Variants in DUSP11 observed in about 807,000 individuals in gnomAD.
The protein encoded by DUSP11 is RNA/RNP complex-1-interacting phosphatase.
Under a neutral mutation model 41.4 loss-of-function variants are expected in DUSP11, and 27 were observed. The ratio of observed to expected loss-of-function variants is 0.65; its 90% CI spans 0.48 to 0.90. DUSP11 has a LOEUF of 0.90. Ranked by LOEUF, DUSP11 falls within the 40% of genes least tolerant of loss-of-function variation. DUSP11 has a pLI of 0.00. For missense variants in DUSP11, 465 were observed against 461.1 expected, an observed-to-expected ratio of 1.01 and a Z score of -0.08; for synonymous variants, 188 against 159.3, an observed-to-expected ratio of 1.18 and a Z score of -1.35.
chr2:73,773,843 G>A, exon 4 of DUSP11: 5 of 1,606,994 alleles, frequency 3.1e-6, no homozygotes, highest in Non-Finnish European at 4.3e-6. Flanking sequence ...CAGCGTGTTT[G>A]AATTTAAAAA....
chr2:73,771,761 T>TA lies in DUSP11; in HGVS notation c.574+2038dup, dbSNP rs769822025. ...TCATGATCTGCCCACCTCGGCCTCC[T>TA]AAAGTGCCGGGATTACAGGCATGAG... On this transcript the variant is annotated intron_variant, in intron 4 of 8. Coordinates refer to ENST00000272444, the Ensembl canonical transcript of DUSP11. 3.6e-5 allele frequency among the ~76,000 whole-genome samples: 5 copies of TA among 140,638 alleles called. No homozygotes were observed. In the Middle Eastern group the frequency reaches 0.022, roughly 628 times the overall value. The allele number at this position is 140,638 out of a possible 152,430, so 92.3% of individuals were successfully genotyped here.
intron 7 of DUSP11, 70 bp from the exon 8 acceptor site, chr2:73,766,664 T>C (rs2103929101): frequency 6.7e-7 from 1 of 1,491,210 alleles, no homozygotes; most frequent in East Asian, 2.3e-5. Flanking sequence ...TGACTATATT[T>C]TGGCATATGA....
exon 1 of DUSP11, chr2:73,779,949 C>T: frequency 6.2e-7 from 1 of 1,614,268 alleles, no homozygotes; most frequent in Non-Finnish European, 8.5e-7. Flanking sequence ...GCCCCAGCCA[C>T]TGCGGGGATG....
intron 8 of DUSP11, 127 bp downstream of exon 8, chr2:73,766,291 A>T: frequency 1.2e-6 from 1 of 865,592 alleles, no homozygotes; most frequent in Non-Finnish European, 1.7e-6. Context: ...CCTGGATGAC[A>T]GAGCGAGACT....
At chr2:73,769,137 G>T in intron 5 of DUSP11, 128 bp downstream of exon 5, 1 of 684,112 alleles carries the variant, frequency 1.5e-6, no homozygotes, top group Non-Finnish European at 2.5e-6. Flanking sequence ...GTAATCTCTG[G>T]GTGGGGAGCA....
At chr2:73,769,423 T>C in intron 4 of DUSP11, 98 bp from the exon 5 acceptor site, 1 of 925,614 alleles carries the variant, frequency 1.1e-6, no homozygotes, top group South Asian at 1.6e-5. Flanking sequence ...AGAGGAATTG[T>C]TTTTTCTAGG....
chr2:73,776,793 T>C (rs1029535469), intron 2 of DUSP11, among the ~76,000 whole-genome samples: 3 of 152,244 alleles, frequency 2.0e-5, no homozygotes, highest in Admixed American at 6.5e-5. Flanking sequence ...ATCTATTCTC[T>C]GAGCTTAGTG....
chr2:73,777,894 T>C (rs547220303), intron 2 of DUSP11, among the ~76,000 whole-genome samples: 79 of 152,324 alleles, frequency 5.2e-4, no homozygotes, highest in African/African-American at 1.8e-3. Context: ...ATGAAGATTA[T>C]ACTTTGTTAT....
At chr2:73,771,130 T>C (rs1186130702) in intron 4 of DUSP11, among the ~76,000 whole-genome samples, 2 of 152,228 alleles carry the variant, frequency 1.3e-5, no homozygotes, top group Non-Finnish European at 2.9e-5. Flanking sequence ...ATATATTCCA[T>C]GTATTTATTT....
Position 73,772,502 on chromosome 2 carries a change from A to T in DUSP11, c.574+1298T>A, listed in dbSNP as rs528238311. Among the ~76,000 whole-genome samples the T allele has an allele frequency of 4.3e-4, 66 of 152,346 alleles. No homozygotes were observed. The South Asian group carries it at 0.013, about 31-fold the overall frequency. On this transcript the variant is annotated intron_variant, in intron 4 of 8. Coordinates refer to ENST00000272444, the Ensembl canonical transcript of DUSP11. ...TATCCAACTGACTACAATCAGTATA[A>T]CGTGAACAACTAAGATTTAAAAATG...
intron 4 of DUSP11, among the ~76,000 whole-genome samples, chr2:73,770,206 G>GA (rs888703038): frequency 3.4e-5 from 5 of 149,146 alleles, no homozygotes; most frequent in African/African-American, 9.8e-5. Flanking sequence ...AAAAAAGAAA[G>GA]AAAGAAAAGA....
At chr2:73,774,952 A>G in exon 3 of DUSP11, 1 of 1,611,260 alleles carries the variant, frequency 6.2e-7, no homozygotes, top group South Asian at 1.1e-5. Context: ...TTAAATCAAT[A>G]ATCAGTCCAA....
intron 3 of DUSP11, 57 bp from the exon 4 acceptor site, chr2:73,773,980 A>G: frequency 1.4e-6 from 2 of 1,395,746 alleles, no homozygotes; most frequent in Non-Finnish European, 1.9e-6. Context: ...AAATAATTAA[A>G]GAGTAATTAG....
chr2:73,774,666 G>A (rs1371549320), intron 3 of DUSP11, among the ~76,000 whole-genome samples: 1 of 152,110 alleles, frequency 6.6e-6, no homozygotes, highest in African/African-American at 2.4e-5. Context: ...ATTTCACTAA[G>A]CATGTTTTTA....
At chr2:73,774,342 G>A (rs1054172441) in intron 3 of DUSP11, among the ~76,000 whole-genome samples, 1 of 152,156 alleles carries the variant, frequency 6.6e-6, no homozygotes, top group Non-Finnish European at 1.5e-5. Flanking sequence ...AGGCACTATT[G>A]AGAACCGATA....
At chr2:73,769,346 G>C in intron 4 of DUSP11, 21 bp from the exon 5 acceptor site, 1 of 1,554,340 alleles carries the variant, frequency 6.4e-7, no homozygotes, top group South Asian at 1.1e-5. Context: ...AAAATACAGG[G>C]TTAAGTAACT....
intron 1 of DUSP11, 113 bp downstream of exon 1, chr2:73,779,761 G>A: frequency 1.3e-6 from 2 of 1,508,114 alleles, no homozygotes; most frequent in South Asian, 1.3e-5. Context: ...AGCAAGCGGC[G>A]GACAAGTCAA....
chr2:73,769,991 T>C (rs1245910726), intron 4 of DUSP11, among the ~76,000 whole-genome samples: 3 of 152,116 alleles, frequency 2.0e-5, no homozygotes, highest in Non-Finnish European at 2.9e-5. Context: ...TAAAAAAAAG[T>C]GTAGTTTATC....
At chr2:73,768,955 CAAT>C in intron 5 of DUSP11, 1 of 166,830 alleles carries the variant, frequency 6.0e-6, no homozygotes, top group Non-Finnish European at 1.1e-5. Context: ...GACTCCGTCT[CAAT>C]AAAAAAAAAA....
Sources: allele counts gnomAD v4.1 joint callset (sites outside exome capture counted in the v4.1 genomes callset), GRCh38; gene constraint gnomAD v4.1.1; transcripts MANE v1.5; gene names NCBI Gene and HGNC (gene_info 2026-07-23, HGNC 2026-07-21).